PCDH19: variants seen among roughly 807,000 people sequenced by gnomAD.
The protein encoded by PCDH19 is protocadherin-19.
A neutral mutation model predicts 46.2 loss-of-function variants in PCDH19; 6 were observed. The ratio of observed to expected loss-of-function variants is 0.13; its 90% CI spans 0.07 to 0.26. The LOEUF (loss-of-function observed/expected upper bound fraction) is 0.26. Among genes scored for constraint, PCDH19 ranks in the 10% least tolerant of loss-of-function variants. PCDH19 has a pLI of 1.00. For synonymous variants in PCDH19, 481 were observed against 415.7 expected, an observed-to-expected ratio of 1.16 and a Z score of -1.91; for missense variants, 740 against 972.3, an observed-to-expected ratio of 0.76 and a Z score of 3.18.
intron 3 of PCDH19, among the ~76,000 whole-genome samples, chrX:100,358,212 G>A (rs1279159529): frequency 8.9e-6 from 1 of 111,955 alleles, no homozygotes; most frequent in Non-Finnish European, 1.9e-5. Context: ...ATTTGATAGC[G>A]TTTCTGTGAG....
rs1231708037 is a variant in PCDH19, at chrX:100,322,850, TATATATA to T, written c.2848+19046_2848+19052del. Among the ~76,000 whole-genome samples, 32 of 58,173 alleles carry T rather than the reference TATATATA, an allele frequency of 5.5e-4. 1 individual carries two copies. Among genetic ancestry groups the T allele is most frequent in the Admixed American group, 4.9e-3 (27 of 5,563 alleles). 50.5% of individuals were successfully genotyped at this position (58,173 alleles called of 115,157 possible). ...ATTCCTAAGTATATATATATATATA[TATATATA>T]TATATATATTTTTGCAGCTATTGTA... On this transcript the variant is annotated intron_variant, in intron 5 of 5. Transcript: ENST00000373034.
At chrX:100,371,018 T>TGG (rs1418687556) in intron 3 of PCDH19, among the ~76,000 whole-genome samples, 1 of 109,606 alleles carries the variant, frequency 9.1e-6, no homozygotes, top group East Asian at 3.0e-4. Flanking sequence ...TGTGTGTGTG[T>TGG]GTGTGTGGGT....
At chrX:100,314,722 C>T (rs1261035840) in intron 5 of PCDH19, among the ~76,000 whole-genome samples, 1 of 111,371 alleles carries the variant, frequency 9.0e-6, no homozygotes, top group African/African-American at 3.3e-5. Context: ...TTGTCAGCTC[C>T]CCCAGTGTAT....
Position 100,406,457 on chromosome X carries a change from T to G in PCDH19, c.2141A>C (p.Asn714Thr). 8.4e-7 allele frequency: 1 copy of G among 1,197,131 alleles called. No individual in the cohort carries two copies. The highest frequency in any genetic ancestry group is 1.1e-6 in the Non-Finnish European group (1 of 885,327). Residue 714 changes from asparagine to threonine, a missense_variant, in exon 1 of 6, where the codon AAC (asparagine) becomes ACC (threonine). Around this residue, in one of 5 missense-constraint regions of PCDH19, gnomAD observed 416 missense variants for 476.8 expected, o/e 0.87. Transcript: ENST00000373034. Reference protein sequence around the residue: ...KRDNKEIRTYNCSNCLTITCL... With the variant: ...KRDNKEIRTYTCSNCLTITCL... The stretch of plus-strand genomic sequence containing the variant: ...AAAGAAAACTTGGCTTTACCTGCAG[T>G]TGTAGGTCCGGATCTCTTTGTTGTC...
chrX:100,330,971 G>A (rs150555384), intron 5 of PCDH19, among the ~76,000 whole-genome samples: 5 of 112,189 alleles, frequency 4.5e-5, no homozygotes, highest in African/African-American at 1.6e-4. Context: ...TCATTAGGCC[G>A]CCTCAATGTG....
chrX:100,353,438 C>T (rs144726820), intron 3 of PCDH19, among the ~76,000 whole-genome samples: 6 of 111,792 alleles, frequency 5.4e-5, no homozygotes, highest in African/African-American at 1.6e-4. Context: ...TGAAGCTCCG[C>T]GGAGACCTGA....
intron 5 of PCDH19, among the ~76,000 whole-genome samples, chrX:100,333,167 A>G (rs202107999): frequency 0.084 from 2,830 of 33,717 alleles, 248 homozygotes; most frequent in Middle Eastern, 0.14. Flanking sequence ...GGAAGGAAGG[A>G]AGGAAGGGAG....
chrX:100,306,650 A>G (rs750554825), intron 5 of PCDH19, among the ~76,000 whole-genome samples: 35 of 111,593 alleles, frequency 3.1e-4, no homozygotes, highest in Non-Finnish European at 5.5e-4. Context: ...AAAAATGAAT[A>G]AAAATGATTA....
At chrX:100,327,476 G>C (rs1294302768) in intron 5 of PCDH19, among the ~76,000 whole-genome samples, 5 of 112,085 alleles carry the variant, frequency 4.5e-5, no homozygotes, top group Non-Finnish European at 9.4e-5. Flanking sequence ...TAATGGAGTA[G>C]AGTGGAAATA....
rs930411345 is a variant in PCDH19 at position 100,310,853 on chromosome X, T to TA, written c.2849-13979dup. ...AATGATAAATAAATAATAAAAAAAT[T>TA]AAAAAAAAACTTCTTTAGAGACAAG... On this transcript the variant is annotated intron_variant, in intron 5 of 5. Transcript: ENST00000373034. Among the ~76,000 whole-genome samples, 58 of 106,613 alleles carry TA rather than the reference T, an allele frequency of 5.4e-4. No individual in the cohort carries two copies. The South Asian group carries it at 6.4e-3, about 12-fold the overall frequency. 92.6% of individuals were successfully genotyped at this position (106,613 alleles called of 115,157 possible). A position where few individuals can be genotyped will look rare whatever the true frequency, so the allele number is the denominator to read the frequency against.
At chrX:100,403,016 C>T (rs1370857927) in intron 2 of PCDH19, among the ~76,000 whole-genome samples, 165 bp from the exon 3 acceptor site, 2 of 111,585 alleles carry the variant, frequency 1.8e-5, no homozygotes, top group Admixed American at 9.5e-5. Flanking sequence ...CAAGGGAAAA[C>T]AGGCTGAGGG....
At chrX:100,402,467 G>T (rs1382381300) in intron 3 of PCDH19, 57 bp downstream of exon 3, 2 of 998,229 alleles carry the variant, frequency 2.0e-6, no homozygotes, top group African/African-American at 1.9e-5. Context: ...GGTATCCAGC[G>T]AGCAGCTAAA....
rs776584913 is a variant in PCDH19, at chrX:100,408,160, C to T, written c.438G>A (p.Thr146=). 1.2e-5 allele frequency: 14 copies of T among 1,210,806 alleles called. No homozygotes were observed. Among genetic ancestry groups the T allele is most frequent in the African/African-American group, 1.7e-5 (1 of 57,503 alleles). Residue 146 remains threonine, a synonymous_variant, in exon 1 of 6, where the codon ACG becomes ACA. Transcript: ENST00000373034. ...LEISEAASPG[T]RIPLDSAYDP... is the part of the protein sequence containing the mutation. ...CGTAAGCGCTGTCCAGCGGGATGCGCGTGCCAGGGCTGGCTGCCTCCGAGA... is the reference window on the plus strand; with the variant it reads ...CGTAAGCGCTGTCCAGCGGGATGCGTGTGCCAGGGCTGGCTGCCTCCGAGA...
Position 100,407,700 on chromosome X carries a change from C to T in PCDH19, c.898G>A (p.Val300Ile), listed in dbSNP as rs762624937. 5 of 1,212,500 alleles carry T rather than the reference C, an allele frequency of 4.1e-6. No individual in the cohort carries two copies. The South Asian group carries it at 8.8e-5, about 21-fold the overall frequency. Residue 300 changes from valine (V) to isoleucine (I), a missense_variant, in exon 1 of 6, where the codon GTC becomes ATC. Transcript: ENST00000373034. Reference protein sequence around the residue: ...QIDPHSGLVTVTGALDYEEGH... With the variant: ...QIDPHSGLVTITGALDYEEGH... ...TCTTCGTAGTCTAAAGCGCCAGTGA[C>T]AGTGACCAGGCCACTGTGCGGGTCG... is the stretch of plus-strand genomic sequence containing the variant.
Position 100,296,415 on chromosome X carries a change from A to G in PCDH19, c.3309T>C (p.Asn1103=), listed in dbSNP as rs753229559. The change falls in exon 6 of 6, where the codon AAT becomes AAC. Residue 1103 remains asparagine (N), a synonymous_variant. Transcript: ENST00000373034. ...CAGCTTCAGAGGGACGAGTAGGGCCATTGTTGACATTGTTGACATACTGCT... is the reference window on the plus strand; with the variant it reads ...CAGCTTCAGAGGGACGAGTAGGGCCGTTGTTGACATTGTTGACATACTGCT... ...DLEQYVNNVN[N]GPTRPSEAEP... is the part of the protein sequence containing the mutation. The G allele has an allele frequency of 1.8e-5, 22 of 1,208,302 alleles. No individual in the cohort carries two copies. Among genetic ancestry groups the G allele is most frequent in the African/African-American group, 5.3e-5 (3 of 56,842 alleles).
chrX:100,401,917 CAAT>C (rs1334664486), intron 3 of PCDH19, among the ~76,000 whole-genome samples: 1 of 111,698 alleles, frequency 9.0e-6, no homozygotes, highest in African/African-American at 3.3e-5. Context: ...AAATTTTCAG[CAAT>C]AATGACAGTT....
In PCDH19 at chrX:100,296,753, T is replaced by C; in HGVS notation, c.2971A>G (p.Ile991Val). The C allele has an allele frequency of 1.7e-6, 2 of 1,211,480 alleles. No homozygotes were observed. The highest frequency in any genetic ancestry group is 2.2e-6 in the Non-Finnish European group (2 of 895,323). ...GCAGTAGCTTCAATAGACAGCGCGATGATGTTCCTCACATGCTCAGGGGAC... is the reference window on the plus strand; with the variant it reads ...GCAGTAGCTTCAATAGACAGCGCGACGATGTTCCTCACATGCTCAGGGGAC... ...SKSPEHVRNI[I>V]ALSIEATAAD... is the part of the protein sequence containing the mutation. Residue 991 changes from isoleucine to valine, a missense_variant, in exon 6 of 6, where the codon ATC becomes GTC. Ile to Val is a conservative substitution (Grantham distance 29, BLOSUM62 3). This residue lies in a region of PCDH19 where 416 missense variants were observed against 476.8 expected (regional missense o/e 0.87). Transcript: ENST00000373034.
intron 3 of PCDH19, among the ~76,000 whole-genome samples, chrX:100,363,615 T>TTATATA (rs60968315): frequency 0.013 from 1,187 of 89,534 alleles, 16 homozygotes; most frequent in African/African-American, 0.047. Flanking sequence ...ATGGGAAGTT[T>TTATATA]TATATATATA....
chrX:100,394,888 T>C (rs1927976240), intron 3 of PCDH19, among the ~76,000 whole-genome samples: 1 of 95,859 alleles, frequency 1.0e-5, no homozygotes, highest in Non-Finnish European at 2.1e-5. Flanking sequence ...ATCTAATTTT[T>C]TTTTTTTTTT....
Sources: gnomAD v4.1 joint callset for allele counts (sites outside exome capture counted in the v4.1 genomes callset) on GRCh38, gnomAD v4.1.1 for gene constraint, gnomAD v4.1.1 regional missense constraint, MANE v1.5 for transcripts, NCBI Gene and HGNC (gene_info 2026-07-23, HGNC 2026-07-21) for gene names.